The following NAALADL2 variants were observed in gnomAD, a reference collection of about 807,000 sequenced individuals.
NAALADL2 encodes N-acetylated alpha-linked acidic dipeptidase like 2.
NAALADL2 carries 76 observed loss-of-function variants against 87.2 expected under a neutral mutation model. That is an observed-to-expected ratio of 0.87 (90% confidence interval 0.72 to 1.05). NAALADL2 has a LOEUF of 1.05. NAALADL2 is among the 50% of genes least tolerant of loss of function. The pLI, the probability that NAALADL2 is intolerant of heterozygous loss-of-function variation, is 0.00. For missense variants in NAALADL2, 1,089 were observed against 945.8 expected, an observed-to-expected ratio of 1.15 and a Z score of -1.99; for synonymous variants, 354 against 331.0, an observed-to-expected ratio of 1.07 and a Z score of -0.75.
intron 2 of NAALADL2, among the ~76,000 whole-genome samples, chr3:175,135,481 A>C (rs2108676890): frequency 6.6e-6 from 1 of 152,302 alleles, no homozygotes; most frequent in Non-Finnish European, 1.5e-5. Flanking sequence ...CAACACTATA[A>C]AGCTTATAGT....
intron 1 of NAALADL2, among the ~76,000 whole-genome samples, chr3:175,092,533 A>AT (rs141640493): frequency 0.19 from 28,385 of 151,826 alleles, 2,748 homozygotes; most frequent in East Asian, 0.33. Context: ...CAGAGATTAT[A>AT]TTTTACATAT....
intron 1 of NAALADL2, among the ~76,000 whole-genome samples, chr3:174,891,989 C>T (rs959399907): frequency 3.3e-5 from 5 of 152,130 alleles, no homozygotes; most frequent in African/African-American, 4.8e-5. Flanking sequence ...ATCTCTACAA[C>T]GCTGCATGAA....
At chr3:174,861,535 A>T (rs1460192326) in intron 1 of NAALADL2, among the ~76,000 whole-genome samples, 3 of 152,106 alleles carry the variant, frequency 2.0e-5, no homozygotes, top group Non-Finnish European at 2.9e-5. Context: ...TCCACTTACA[A>T]ACGGATGTTC....
intron 2 of NAALADL2, among the ~76,000 whole-genome samples, chr3:174,637,042 C>T (rs779365940): frequency 1.1e-4 from 17 of 152,060 alleles, no homozygotes; most frequent in Non-Finnish European, 5.9e-5. Context: ...AACTGGAAGT[C>T]ATTATGTTAA....
intron 6 of NAALADL2, among the ~76,000 whole-genome samples, chr3:175,457,895 A>AT (rs1489021122): frequency 5.3e-5 from 8 of 151,880 alleles, no homozygotes; most frequent in Non-Finnish European, 1.2e-4. Flanking sequence ...TCTTGGTATG[A>AT]TTTTTTTAAT....
At chr3:174,980,305 A>G (rs1053812966) in intron 1 of NAALADL2, among the ~76,000 whole-genome samples, 6 of 152,256 alleles carry the variant, frequency 3.9e-5, no homozygotes, top group African/African-American at 7.2e-5. Context: ...GAGGCATTTG[A>G]TGAGTATTTG....
At chr3:175,099,138 G>A (rs1189258452) in intron 2 of NAALADL2, among the ~76,000 whole-genome samples, 3 of 151,878 alleles carry the variant, frequency 2.0e-5, no homozygotes, top group Non-Finnish European at 4.4e-5. Context: ...TTTCAGCACC[G>A]TAGTCATCTT....
At chr3:174,830,356 C>G (rs1441572684) in intron 3 of NAALADL2, among the ~76,000 whole-genome samples, 1 of 151,918 alleles carries the variant, frequency 6.6e-6, no homozygotes, top group African/African-American at 2.4e-5. Flanking sequence ...TTTCCCAGCA[C>G]CATTTATTAA....
chr3:175,282,936 A>T (rs1272042892), intron 4 of NAALADL2, among the ~76,000 whole-genome samples: 1 of 149,094 alleles, frequency 6.7e-6, no homozygotes, highest in African/African-American at 2.5e-5. Flanking sequence ...TAAATCCTCA[A>T]ATTATTTGGG....
Position 175,294,083 on chromosome 3 carries a change from A to T in NAALADL2, c.940-30092A>T, listed in dbSNP as rs571338437. On this transcript the variant is annotated intron_variant, in intron 4 of 13. Transcript: ENST00000454872. ...GTAATAGGCAAGAGGAGTAAGATCCAGGGACATAAAATTCTAACCAGGGAA... is the reference window on the plus strand; with the variant it reads ...GTAATAGGCAAGAGGAGTAAGATCCTGGGACATAAAATTCTAACCAGGGAA... Among the ~76,000 whole-genome samples, 6 of 152,296 alleles carry T rather than the reference A, an allele frequency of 3.9e-5. No homozygotes were observed. In the South Asian group the frequency reaches 1.0e-3, roughly 26 times the overall value.
intron 5 of NAALADL2, among the ~76,000 whole-genome samples, chr3:175,335,325 G>C (rs1761867883): frequency 6.6e-6 from 1 of 152,240 alleles, no homozygotes; most frequent in African/African-American, 2.4e-5. Flanking sequence ...CCGTTGGAAT[G>C]AGTGCTGCAG....
chr3:175,267,151 C>T (rs1182250310), intron 4 of NAALADL2, among the ~76,000 whole-genome samples: 1 of 151,840 alleles, frequency 6.6e-6, no homozygotes, highest in Non-Finnish European at 1.5e-5. Flanking sequence ...TCTTTCCTTA[C>T]TGAGAAGTTT....
At chr3:175,004,998 GAA>G (rs1748824654) in intron 1 of NAALADL2, among the ~76,000 whole-genome samples, 1 of 152,098 alleles carries the variant, frequency 6.6e-6, no homozygotes, top group Non-Finnish European at 1.5e-5. Context: ...TGTGGCACCT[GAA>G]AAACAGAAAA....
chr3:174,442,153 CAG>C (rs903310472), intron 1 of NAALADL2, among the ~76,000 whole-genome samples: 3 of 152,266 alleles, frequency 2.0e-5, no homozygotes, highest in African/African-American at 7.2e-5. Flanking sequence ...GACAGGTTAA[CAG>C]AGAAGAGATT....
intron 3 of NAALADL2, among the ~76,000 whole-genome samples, chr3:174,815,951 T>C (rs1720751560): frequency 6.7e-6 from 1 of 149,240 alleles, no homozygotes; most frequent in Admixed American, 6.8e-5. Flanking sequence ...AACACAGTCA[T>C]ACTTGGAGGT....
At chr3:175,488,472 C>A (rs1029355871) in intron 9 of NAALADL2, among the ~76,000 whole-genome samples, 1 of 152,218 alleles carries the variant, frequency 6.6e-6, no homozygotes, top group Admixed American at 6.5e-5. Context: ...TGCACACATA[C>A]GTGCACATTC....
chr3:175,524,363 T>G (rs1013260411), intron 9 of NAALADL2, among the ~76,000 whole-genome samples: 2 of 152,210 alleles, frequency 1.3e-5, no homozygotes, highest in African/African-American at 2.4e-5. Context: ...CTTTGAATAA[T>G]GATCTTATTC....
chr3:175,162,322 A>G (rs1468834180), intron 2 of NAALADL2, among the ~76,000 whole-genome samples: 1 of 152,124 alleles, frequency 6.6e-6, no homozygotes, highest in Non-Finnish European at 1.5e-5. Context: ...CAGCATATTT[A>G]AAATTTGCAC....
intron 1 of NAALADL2, among the ~76,000 whole-genome samples, chr3:174,459,012 G>C (rs1716034862): frequency 6.6e-6 from 1 of 152,080 alleles, no homozygotes; most frequent in African/African-American, 2.4e-5. Context: ...TTGGAGAAAA[G>C]GGATGATCCA....
Sources: allele counts gnomAD v4.1 joint callset (sites outside exome capture counted in the v4.1 genomes callset), GRCh38; gene constraint gnomAD v4.1.1; transcripts MANE v1.5; gene names NCBI Gene and HGNC (gene_info 2026-07-23, HGNC 2026-07-21).